DAAM1: variants seen among roughly 807,000 people sequenced by gnomAD.
DAAM1 encodes dishevelled associated activator of morphogenesis 1.
Under a neutral mutation model 130.0 loss-of-function variants are expected in DAAM1, and 52 were observed. The observed-to-expected ratio is 0.40, with a 90% CI of 0.32 to 0.50. DAAM1 has a LOEUF of 0.50. Among genes scored for constraint, DAAM1 ranks in the 20% least tolerant of loss-of-function variants. DAAM1 has a pLI of 0.61. For missense variants in DAAM1, 1,134 were observed against 1,303.8 expected, an observed-to-expected ratio of 0.87 and a Z score of 2.01; for synonymous variants, 452 against 444.5, an observed-to-expected ratio of 1.02 and a Z score of -0.21.
chr14:59,215,033 A>G (rs1272238321), intron 1 of DAAM1, among the ~76,000 whole-genome samples: 1 of 152,246 alleles, frequency 6.6e-6, no homozygotes, highest in African/African-American at 2.4e-5. Flanking sequence ...TGTTTATAAA[A>G]TGTTTCCTCT....
At chr14:59,322,828 T>C in intron 5 of DAAM1, 64 bp from the exon 6 acceptor site, 3 of 1,350,118 alleles carry the variant, frequency 2.2e-6, no homozygotes, top group Non-Finnish European at 3.1e-6. Flanking sequence ...CTCTAGACTT[T>C]TCTGTTAGGG....
In DAAM1 at chr14:59,322,933, T is replaced by G. The variant is rs1482161359; in HGVS notation, c.482T>G (p.Ile161Ser). 1.9e-6 allele frequency: 3 copies of G among 1,613,922 alleles called. No individual in the cohort carries two copies. The highest frequency in any genetic ancestry group is 2.5e-6 in the Non-Finnish European group (3 of 1,179,938). Residue 161 changes from isoleucine (I) to serine (S), a missense_variant, in exon 6 of 25, where the codon ATC (isoleucine) becomes AGC (serine). Physicochemically the swap from Ile to Ser is moderately radical, Grantham distance 142 (BLOSUM62 -2). This residue lies in a region of DAAM1 where 391 missense variants were observed against 521.6 expected (regional missense o/e 0.75). Coordinates refer to ENST00000360909, the MANE Select transcript of DAAM1 (RefSeq NM_001270520.2). ...ATCGACTTGGATGGCCTATCATGTA[T>G]CCTCAACTTTCTAAAGACCATGGAC... The part of the protein sequence containing the change: ...RFIDLDGLSC[I>S]LNFLKTMDYE...
chr14:59,316,773 G>A (rs532066764), intron 4 of DAAM1, among the ~76,000 whole-genome samples: 19 of 152,236 alleles, frequency 1.2e-4, no homozygotes, highest in African/African-American at 4.1e-4. Flanking sequence ...GTTCCTGGCT[G>A]TTAGGAAAAA....
rs1375127945 is a variant in DAAM1 at position 59,367,652 on chromosome 14, AG to A, written c.2997+54del. On this transcript the variant is annotated intron_variant, in intron 24 of 24. Coordinates refer to ENST00000360909, the MANE Select transcript of DAAM1 (RefSeq NM_001270520.2). ...CACCTCCTAGAAGTTCTATGACTGC[AG>A]CCCAGTCAAAGGTATTTAGAGAGCA... 4 of 1,572,452 alleles carry A rather than the reference AG, an allele frequency of 2.5e-6. No individual in the cohort carries two copies. In the East Asian group the frequency reaches 9.4e-5, roughly 37 times the overall value.
intron 1 of DAAM1, among the ~76,000 whole-genome samples, chr14:59,219,195 C>G (rs1231522448): frequency 2.0e-5 from 3 of 152,222 alleles, no homozygotes; most frequent in Non-Finnish European, 4.4e-5. Flanking sequence ...AAACTTAAGC[C>G]TGTTCTACAG....
rs373354894 is a variant in DAAM1 at position 59,193,445 on chromosome 14, G to A, written c.-38+4677G>A. Reference sequence around the variant, plus strand: ...TTCATCCAGCAGATTTTTTTTTTCAGAAATAAAAGGTTACCTTTTAATTTT... The same window carrying A: ...TTCATCCAGCAGATTTTTTTTTTCAAAAATAAAAGGTTACCTTTTAATTTT... On this transcript the variant is annotated intron_variant, in intron 1 of 24. Coordinates refer to ENST00000360909, the MANE Select transcript of DAAM1 (RefSeq NM_001270520.2). Among the ~76,000 whole-genome samples, 22 of 151,966 alleles carry A rather than the reference G, an allele frequency of 1.4e-4. 1 individual carries two copies. The highest frequency in any genetic ancestry group is 8.5e-4 in the Admixed American group (13 of 15,278).
intron 3 of DAAM1, among the ~76,000 whole-genome samples, chr14:59,294,435 T>C (rs1189803648): frequency 6.6e-6 from 1 of 152,240 alleles, no homozygotes; most frequent in African/African-American, 2.4e-5. Flanking sequence ...ATTGGAATTT[T>C]GTCTAATTGA....
At chr14:59,353,995 T>A in intron 19 of DAAM1, 31 bp downstream of exon 19, 1 of 1,600,692 alleles carries the variant, frequency 6.2e-7, no homozygotes, top group Non-Finnish European at 8.6e-7. Context: ...TTGGAAATGA[T>A]GTTCATCATT....
intron 1 of DAAM1, among the ~76,000 whole-genome samples, chr14:59,200,605 C>T (rs1042673382): frequency 6.6e-6 from 1 of 152,122 alleles, no homozygotes; most frequent in South Asian, 2.1e-4. Flanking sequence ...TAAAAACCAA[C>T]CCAAGTTCCT....
intron 3 of DAAM1, among the ~76,000 whole-genome samples, chr14:59,307,111 A>C (rs1884407737): frequency 6.6e-6 from 1 of 152,232 alleles, no homozygotes; most frequent in South Asian, 2.1e-4. Flanking sequence ...GTTATAGTGA[A>C]ATGGAGTAAA....
chr14:59,234,995 A>T lies in DAAM1; in HGVS notation c.-37-28446A>T, dbSNP rs891553738. Among the ~76,000 whole-genome samples the T allele has an allele frequency of 5.3e-5, 8 of 151,802 alleles. No individual in the cohort carries two copies. In the East Asian group the frequency reaches 1.5e-3, roughly 29 times the overall value. ...ACCTTGCATCCCAGGGATGAAGTCGACTTGATCACGGTGGATAAGCTTTTT... is the reference window on the plus strand; with the variant it reads ...ACCTTGCATCCCAGGGATGAAGTCGTCTTGATCACGGTGGATAAGCTTTTT... On this transcript the variant is annotated intron_variant, in intron 1 of 24. Coordinates refer to ENST00000360909, the MANE Select transcript of DAAM1 (RefSeq NM_001270520.2).
intron 1 of DAAM1, among the ~76,000 whole-genome samples, chr14:59,242,183 T>C (rs1034269196): frequency 2.4e-4 from 36 of 152,224 alleles, no homozygotes; most frequent in Admixed American, 2.4e-3. Flanking sequence ...GTAATATTTT[T>C]TTCCAGCTAT....
At chr14:59,211,338 G>C (rs556700615) in intron 1 of DAAM1, among the ~76,000 whole-genome samples, 5 of 152,144 alleles carry the variant, frequency 3.3e-5, no homozygotes, top group African/African-American at 4.8e-5. Context: ...CTGTATTTAA[G>C]AAAACACATG....
At chr14:59,331,711 G>A (rs1885448590) in intron 14 of DAAM1, 102 bp from the exon 15 acceptor site, 2 of 1,504,636 alleles carry the variant, frequency 1.3e-6, no homozygotes, top group Non-Finnish European at 1.8e-6. Context: ...TGAGTGTCTG[G>A]TAGACTGAAA....
chr14:59,344,717 T>C (rs565994563), intron 16 of DAAM1, among the ~76,000 whole-genome samples: 2 of 152,304 alleles, frequency 1.3e-5, no homozygotes, highest in South Asian at 2.1e-4. Context: ...GAATTAGAGC[T>C]AGTGTTTAGT....
chr14:59,297,030 C>T (rs17255583), intron 3 of DAAM1, among the ~76,000 whole-genome samples: 9,894 of 152,206 alleles, frequency 0.065, 419 homozygotes, highest in Non-Finnish European at 0.097. Context: ...TCCAGTGAAA[C>T]TGTATTACTG....
intron 23 of DAAM1, among the ~76,000 whole-genome samples, chr14:59,366,179 T>C (rs542414669): frequency 6.6e-6 from 1 of 152,280 alleles, no homozygotes; most frequent in Admixed American, 6.5e-5. Context: ...GCCTAGGTGT[T>C]TGAGTCCAGC....
chr14:59,346,925 T>C (rs969855390), intron 16 of DAAM1, among the ~76,000 whole-genome samples: 2 of 152,194 alleles, frequency 1.3e-5, no homozygotes, highest in African/African-American at 4.8e-5. Flanking sequence ...ATAAAGAGTT[T>C]GAGATTAGCA....
intron 1 of DAAM1, among the ~76,000 whole-genome samples, chr14:59,223,104 AT>A (rs1294201265): frequency 6.6e-6 from 1 of 152,258 alleles, no homozygotes; most frequent in Non-Finnish European, 1.5e-5. Context: ...GGAATTGCCC[AT>A]GAGGCCATAG....
Sources: allele counts gnomAD v4.1 joint callset (sites outside exome capture counted in the v4.1 genomes callset), GRCh38; gene constraint gnomAD v4.1.1; regional missense constraint gnomAD v4.1.1; transcripts MANE v1.5; gene names NCBI Gene and HGNC (gene_info 2026-07-23, HGNC 2026-07-21).